Variants in DHX9 observed in about 807,000 individuals in gnomAD.
DHX9 encodes the protein ATP-dependent RNA helicase A.
DHX9 carries 27 observed loss-of-function variants against 148.7 expected under a neutral mutation model. The ratio of observed to expected loss-of-function variants is 0.18; its 90% CI spans 0.13 to 0.25. DHX9 has a LOEUF of 0.25. Among genes scored for constraint, DHX9 ranks in the 10% least tolerant of loss-of-function variants. The pLI is 1.00. For missense variants in DHX9, 796 were observed against 1,559.6 expected (o/e 0.51, Z 8.25); for synonymous variants, 529 against 516.6 (o/e 1.02, Z -0.33).
intron 15 of DHX9, 75 bp downstream of exon 15, chr1:182,872,568 G>T: frequency 6.9e-7 from 1 of 1,447,232 alleles, no homozygotes; most frequent in Non-Finnish European, 9.4e-7. Context: ...GGAGATTGGA[G>T]TTACAATTTA....
rs544922893 is a variant in DHX9, at chr1:182,867,629, C to T, written c.1557+586C>T. Among the ~76,000 whole-genome samples, 12 of 152,308 alleles carry T rather than the reference C, an allele frequency of 7.9e-5. No individual in the cohort carries two copies. The South Asian group carries it at 2.5e-3, about 32-fold the overall frequency. ...TGATGGTCAGGCTGGTGTCGAACTC[C>T]TGACCTCAGGTGATCCACCTGCCTT... On this transcript the variant is annotated intron_variant, in intron 14 of 27. Transcript: ENST00000367549.
intron 25 of DHX9, 24 bp downstream of exon 25, chr1:182,883,392 A>T (rs1649174690): frequency 6.2e-7 from 1 of 1,602,658 alleles, no homozygotes; most frequent in African/African-American, 1.3e-5. Context: ...AGAAAAGTTT[A>T]CATTGAAAGT....
chr1:182,881,692 T>C lies in DHX9; in HGVS notation c.2914+45T>C, dbSNP rs184231109. ...TAAGATATCTTTAAAGTGACATTTA[T>C]ATAGTACATGCAAATTGACAGCAAA... On this transcript the variant is annotated intron_variant, in intron 24 of 27. Coordinates refer to ENST00000367549, the MANE Select transcript of DHX9 (RefSeq NM_001357.5). The C allele has an allele frequency of 7.4e-5, 114 of 1,538,546 alleles. No homozygotes were observed. The African/African-American group carries it at 1.5e-3, about 20-fold the overall frequency.
At chr1:182,839,516 G>C (rs1667872420) in intron 1 of DHX9, 60 bp downstream of exon 1, 1 of 153,220 alleles carries the variant, frequency 6.5e-6, no homozygotes, top group Admixed American at 6.5e-5. Flanking sequence ...GGGCGCCGTG[G>C]ACCATGGCTC....
rs1571294172 is a variant in DHX9 at position 182,843,568 on chromosome 1, G to A, written c.252+134G>A. On this transcript the variant is annotated intron_variant, in intron 3 of 27. Coordinates refer to ENST00000367549, the MANE Select transcript of DHX9 (RefSeq NM_001357.5). ...GTTTCGTAATGAAATTTGGCATCTT[G>A]TTTTGTCTCAGCACTGGACAAAATT... 3 of 950,934 alleles carry A rather than the reference G, an allele frequency of 3.2e-6. No individual in the cohort carries two copies. In the East Asian group the frequency reaches 8.9e-5, roughly 28 times the overall value. 58.9% of individuals were successfully genotyped at this position (950,934 alleles called of 1,614,324 possible).
chr1:182,870,663 T>C (rs948630141), intron 14 of DHX9, among the ~76,000 whole-genome samples: 10 of 152,204 alleles, frequency 6.6e-5, no homozygotes, highest in Non-Finnish European at 1.2e-4. Flanking sequence ...GATTGAGAAC[T>C]TTAAACGTGT....
chr1:182,865,579 A>G (rs1208604017), intron 12 of DHX9, among the ~76,000 whole-genome samples: 5 of 152,248 alleles, frequency 3.3e-5, no homozygotes, highest in African/African-American at 9.6e-5. Flanking sequence ...TCTACACAGT[A>G]TGTTTAACAA....
intron 12 of DHX9, 80 bp from the exon 13 acceptor site, chr1:182,866,364 T>C (rs1648297627): frequency 6.8e-7 from 1 of 1,470,546 alleles, no homozygotes; most frequent in Non-Finnish European, 9.3e-7. Context: ...ACAGATTTAC[T>C]ACAATAATCC....
rs1178306737 is a variant in DHX9, at chr1:182,887,510, T to G, written c.*76T>G. ...GCTATGTGTTACGTGTTTTTTCCAG[T>G]ATGTTTATTTGCCACCAAAAAGTAA... On this transcript the variant is annotated 3_prime_UTR_variant, in exon 28 of 28. Transcript: ENST00000367549. The G allele has an allele frequency of 7.5e-7, 1 of 1,331,380 alleles. No individual in the cohort carries two copies. The highest frequency in any genetic ancestry group is 1.0e-6 in the Non-Finnish European group (1 of 972,150). The allele number at this position is 1,331,380 out of a possible 1,614,324, so 82.5% of individuals were successfully genotyped here.
In DHX9 at chr1:182,842,750, GT is replaced by G. The variant is rs1451220474; in HGVS notation, c.111+76del. On this transcript the variant is annotated intron_variant, in intron 2 of 27. Coordinates refer to ENST00000367549, the MANE Select transcript of DHX9 (RefSeq NM_001357.5). ...TGGGGTTAAAAGAAAAATGTTTTCT[GT>G]TTGGAGATGTTAATGTGTTGCACAT... 2.5e-6 allele frequency: 3 copies of G among 1,187,262 alleles called. No homozygotes were observed. The East Asian group carries it at 7.7e-5, about 31-fold the overall frequency. The allele number at this position is 1,187,262 out of a possible 1,614,324, so 73.5% of individuals were successfully genotyped here. A position where few individuals can be genotyped will look rare whatever the true frequency, so the allele number is the denominator to read the frequency against.
chr1:182,865,163 C>T (rs1648239560), intron 12 of DHX9, among the ~76,000 whole-genome samples: 1 of 152,192 alleles, frequency 6.6e-6, no homozygotes, highest in African/African-American at 2.4e-5. Flanking sequence ...GGAAAGGACG[C>T]AGAAAACTTG....
intron 14 of DHX9, among the ~76,000 whole-genome samples, chr1:182,867,441 C>T (rs1571312277): frequency 6.6e-6 from 1 of 152,076 alleles, no homozygotes; most frequent in Non-Finnish European, 1.5e-5. Flanking sequence ...CTTGCTCTGT[C>T]ACCCAGGCTG....
chr1:182,850,271 C>G (rs1477648202), intron 3 of DHX9, among the ~76,000 whole-genome samples: 1 of 152,030 alleles, frequency 6.6e-6, no homozygotes, highest in Non-Finnish European at 1.5e-5. Flanking sequence ...GCTAAATCAT[C>G]CAGCCTTGGT....
At chr1:182,843,144 A>G (rs1667961656) in intron 2 of DHX9, 150 bp from the exon 3 acceptor site, 1 of 498,498 alleles carries the variant, frequency 2.0e-6, no homozygotes. Flanking sequence ...TCAGTAGCTC[A>G]TGCATTCTCT....
intron 3 of DHX9, among the ~76,000 whole-genome samples, chr1:182,848,513 A>C (rs759956711): frequency 1.3e-4 from 20 of 152,130 alleles, no homozygotes; most frequent in Non-Finnish European, 2.9e-5. Flanking sequence ...TTTTGTTTTT[A>C]GTTCGTTGCT....
At chr1:182,878,224 A>C in intron 20 of DHX9, 51 bp downstream of exon 20, 1 of 1,598,306 alleles carries the variant, frequency 6.3e-7, no homozygotes, top group Non-Finnish European at 8.6e-7. Context: ...TGTTCTCTGT[A>C]GGGACAGATG....
At chr1:182,860,915 A>G (rs951525063) in intron 12 of DHX9, among the ~76,000 whole-genome samples, 6 of 152,212 alleles carry the variant, frequency 3.9e-5, no homozygotes, top group African/African-American at 1.4e-4. Context: ...CATTGCAAAT[A>G]GCCAGGTACT....
Position 182,854,158 on chromosome 1 carries a change from A to G in DHX9, c.606A>G (p.Gln202=). The change falls in exon 6 of 28, where the codon CAA becomes CAG. Residue 202 remains glutamine, a synonymous_variant. Transcript: ENST00000367549. Reference sequence around the variant, plus strand: ...TCCAAGGAGAATATAAGTACACCCAAGTGGGTCCTGATCACAACAGGTTTG... The same window carrying G: ...TCCAAGGAGAATATAAGTACACCCAGGTGGGTCCTGATCACAACAGGTTTG... ...EKIQGEYKYT[Q]VGPDHNRSFI... is the part of the protein sequence containing the mutation. 6.2e-7 allele frequency: 1 copy of G among 1,612,562 alleles called. No homozygotes were observed. The highest frequency in any genetic ancestry group is 8.5e-7 in the Non-Finnish European group (1 of 1,179,348).
At chr1:182,854,269 G>A in intron 6 of DHX9, 91 bp downstream of exon 6, 1 of 1,197,202 alleles carries the variant, frequency 8.4e-7, no homozygotes, top group Admixed American at 2.5e-5. Flanking sequence ...TACGTTGTCT[G>A]GTTAATTGTG....
Sources: gnomAD v4.1 joint callset for allele counts (sites outside exome capture counted in the v4.1 genomes callset) on GRCh38, gnomAD v4.1.1 for gene constraint, MANE v1.5 for transcripts, NCBI Gene and HGNC (gene_info 2026-07-23, HGNC 2026-07-21) for gene names.